DCDC2: variants seen among roughly 807,000 people sequenced by gnomAD.
The protein encoded by DCDC2 is doublecortin domain containing 2.
A neutral mutation model predicts 50.2 loss-of-function variants in DCDC2; 40 were observed. The ratio of observed to expected loss-of-function variants is 0.80; its 90% CI spans 0.62 to 1.04. DCDC2 has a LOEUF of 1.04. DCDC2 is among the 50% of genes least tolerant of loss of function. The pLI is 0.00. For synonymous variants in DCDC2, 234 were observed against 210.6 expected (o/e 1.11, Z -0.96); for missense variants, 570 against 581.9 (o/e 0.98, Z 0.21).
chr6:24,303,248 CT>C (rs1217826534), intron 2 of DCDC2, among the ~76,000 whole-genome samples: 8 of 152,058 alleles, frequency 5.3e-5, no homozygotes, highest in African/African-American at 1.9e-4. Context: ...TGGTGTCCAC[CT>C]TTAATACTGG....
At chr6:24,199,246 C>A (rs1490802900) in intron 8 of DCDC2, among the ~76,000 whole-genome samples, 6 of 152,184 alleles carry the variant, frequency 3.9e-5, no homozygotes, top group Admixed American at 6.5e-5. Flanking sequence ...CAACAGACAC[C>A]TCATAACAGG....
chr6:24,365,380 C>A, the DCDC2 span, among the ~76,000 whole-genome samples: 1 of 152,202 alleles, frequency 6.6e-6, no homozygotes, highest in Non-Finnish European at 1.5e-5. Context: ...CAACCTCTGC[C>A]TCTCGGGTTC....
At chr6:24,324,487 T>C (rs528181525) in intron 2 of DCDC2, among the ~76,000 whole-genome samples, 2 of 152,328 alleles carry the variant, frequency 1.3e-5, no homozygotes, top group South Asian at 4.1e-4. Flanking sequence ...TGTTAATATT[T>C]GTTAGCAAGA....
intron 6 of DCDC2, 34 bp from the exon 7 acceptor site, chr6:24,278,245 C>T: frequency 6.4e-7 from 1 of 1,554,646 alleles, no homozygotes; most frequent in East Asian, 2.3e-5. Context: ...TTATTATTAG[C>T]TAATGAACTC....
upstream of DCDC2, among the ~76,000 whole-genome samples, chr6:24,359,041 TATTA>T (rs1210627909): frequency 1.9e-5 from 1 of 51,928 alleles, no homozygotes; most frequent in African/African-American, 8.5e-5. Flanking sequence ...ATTTTATATA[TATTA>T]TATATTTTAT....
At chr6:24,176,991 A>G (rs1183570009) in intron 9 of DCDC2, among the ~76,000 whole-genome samples, 3 of 152,200 alleles carry the variant, frequency 2.0e-5, no homozygotes, top group African/African-American at 7.2e-5. Context: ...CAATCCATTC[A>G]TTTCTGTAAA....
intron 4 of DCDC2, among the ~76,000 whole-genome samples, chr6:24,300,556 A>G (rs1322242475): frequency 6.6e-6 from 1 of 152,222 alleles, no homozygotes; most frequent in Admixed American, 6.5e-5. Flanking sequence ...CCTTTCAATT[A>G]AAACACCTAA....
chr6:24,204,968 G>T (rs952995626), intron 8 of DCDC2, 34 bp downstream of exon 8: 1 of 1,581,934 alleles, frequency 6.3e-7, no homozygotes, highest in African/African-American at 1.4e-5. Context: ...CACTATAATT[G>T]TCTTACACAT....
intron 7 of DCDC2, among the ~76,000 whole-genome samples, chr6:24,222,649 G>A (rs1451317886): frequency 3.9e-5 from 6 of 151,988 alleles, no homozygotes; most frequent in Non-Finnish European, 8.8e-5. Context: ...TTAATTTCAG[G>A]GTAAAGAAAG....
In DCDC2 at chr6:24,241,712, A is replaced by AT. The variant is rs568626194; in HGVS notation, c.922+36336dup. Among the ~76,000 whole-genome samples, 740 of 152,358 alleles carry AT rather than the reference A, an allele frequency of 4.9e-3. 11 individuals are homozygous for AT. The highest frequency in any genetic ancestry group is 7.4e-3 in the Non-Finnish European group (505 of 68,034). On this transcript the variant is annotated intron_variant, in intron 7 of 9. Transcript: ENST00000378454. ...TTAGAGAGTAATCTCAAAAGATCTT[A>AT]TTTAGATAAGCCACCTTCCCCAAAG... is the stretch of plus-strand genomic sequence containing the variant.
At chr6:24,246,221 C>T (rs185497853) in intron 7 of DCDC2, among the ~76,000 whole-genome samples, 9 of 151,994 alleles carry the variant, frequency 5.9e-5, no homozygotes, top group African/African-American at 2.2e-4. Flanking sequence ...CCCATCAAGC[C>T]GAATTCTGCA....
rs1358083218 is a variant in DCDC2 at position 24,172,114 on chromosome 6, G to A, written c.*2616C>T. 6.6e-6 allele frequency: 1 copy of A among 152,176 alleles called. No individual in the cohort carries two copies. The highest frequency in any genetic ancestry group is 1.5e-5 in the Non-Finnish European group (1 of 68,024). The allele number at this position is 152,176 out of a possible 1,614,324, so 9.4% of individuals were successfully genotyped here. ...ACCACCATTCTCCACAGAGAAAACT[G>A]CCACATTTGTGAGGTGAATGAACTT... On this transcript the variant is annotated 3_prime_UTR_variant, in exon 10 of 10. Coordinates refer to ENST00000378454, the MANE Select transcript of DCDC2 (RefSeq NM_016356.5).
rs1421683120 is a variant in DCDC2, at chr6:24,313,484, G to A, written c.349-11440C>T. ...TTCACCATTGCCATTTTTTGTTTTT[G>A]TTTTATTTTCCCAAATGGGATTTTG... On this transcript the variant is annotated intron_variant, in intron 2 of 9. Coordinates refer to ENST00000378454, the MANE Select transcript of DCDC2 (RefSeq NM_016356.5). Among the ~76,000 whole-genome samples the A allele has an allele frequency of 2.6e-5, 4 of 151,530 alleles. No homozygotes were observed. In the South Asian group the frequency reaches 8.3e-4, roughly 31 times the overall value.
rs1007513683 is a variant in DCDC2, at chr6:24,194,411, A to G, written c.1023+10591T>C. Among the ~76,000 whole-genome samples the G allele has an allele frequency of 3.3e-4, 50 of 152,194 alleles. 1 individual carries two copies. The highest frequency in any genetic ancestry group is 1.3e-3 in the Admixed American group (20 of 15,280). ...AACATTTTTCAATTCTCATTATTTT[A>G]TTAGTCAAAATCAACTACAAATAGG... On this transcript the variant is annotated intron_variant, in intron 8 of 9. Transcript: ENST00000378454.
At chr6:24,237,658 T>C (rs1274735803) in intron 7 of DCDC2, among the ~76,000 whole-genome samples, 3 of 152,106 alleles carry the variant, frequency 2.0e-5, no homozygotes, top group Non-Finnish European at 2.9e-5. Context: ...AGCAAAGACA[T>C]GGAATCAACC....
intron 6 of DCDC2, among the ~76,000 whole-genome samples, chr6:24,287,107 T>C (rs1278686707): frequency 4.6e-5 from 7 of 152,182 alleles, no homozygotes; most frequent in Non-Finnish European, 1.0e-4. Flanking sequence ...CTGCCCTCTA[T>C]TCAAGGACAA....
chr6:24,209,395 T>C (rs1009675787), intron 7 of DCDC2, among the ~76,000 whole-genome samples: 1 of 152,210 alleles, frequency 6.6e-6, no homozygotes, highest in Admixed American at 6.5e-5. Flanking sequence ...TCAGCTATTC[T>C]ACCACGACTC....
Position 24,242,497 on chromosome 6 carries a change from TC to T in DCDC2, c.922+35551del, listed in dbSNP as rs1268386165. Among the ~76,000 whole-genome samples the T allele has an allele frequency of 2.6e-5, 4 of 152,058 alleles. No homozygotes were observed. In the East Asian group the frequency reaches 5.8e-4, roughly 22 times the overall value. On this transcript the variant is annotated intron_variant, in intron 7 of 9. Transcript: ENST00000378454. The stretch of plus-strand genomic sequence containing the variant: ...CACTGGCACCTTCGCTGTGAAGTCT[TC>T]CCCCCACCTCTCCGTGTCCTCCCAC...
At chr6:24,353,785 T>C (rs956809685) in intron 1 of DCDC2, among the ~76,000 whole-genome samples, 162 bp from the exon 2 acceptor site, 5 of 152,204 alleles carry the variant, frequency 3.3e-5, no homozygotes, top group Non-Finnish European at 5.9e-5. Context: ...TAGTAAAAAC[T>C]GTTTGCAGTG....
Sources: gnomAD v4.1 joint callset for allele counts (sites outside exome capture counted in the v4.1 genomes callset) on GRCh38, gnomAD v4.1.1 for gene constraint, MANE v1.5 for transcripts, NCBI Gene and HGNC (gene_info 2026-07-23, HGNC 2026-07-21) for gene names.